CHTF18: variants seen among roughly 807,000 people sequenced by gnomAD.
The protein encoded by CHTF18 is chromosome transmission fidelity factor 18.
Under a neutral mutation model 113.4 loss-of-function variants are expected in CHTF18, and 151 were observed. That is an observed-to-expected ratio of 1.33 (90% CI 1.17 to 1.52). The LOEUF (loss-of-function observed/expected upper bound fraction) is 1.52, where lower values mean the gene tolerates loss of function less well. Among genes scored for constraint, CHTF18 ranks in the 40% most tolerant of loss-of-function variants. The probability of loss-of-function intolerance (pLI) is 0.00; values close to 1 mark genes in which losing one functional copy is unlikely to be tolerated. For missense variants in CHTF18, 1,982 were observed against 1,381.6 expected (o/e 1.43, Z -6.89); for synonymous variants, 916 against 598.8 (o/e 1.53, Z -7.74).
At chr16:791,687 C>A in intron 8 of CHTF18, 164 bp from the exon 9 acceptor site, 1 of 1,427,218 alleles carries the variant, frequency 7.0e-7, no homozygotes, top group South Asian at 1.5e-5. Context: ...TTTTCCGTTG[C>A]CATCTTGGTG....
chr16:793,609 T>C (rs2042260630), intron 14 of CHTF18: 1 of 533,608 alleles, frequency 1.9e-6, no homozygotes, highest in South Asian at 2.0e-5. Flanking sequence ...GCCTGGGCTG[T>C]GGTCTCTGAG....
chr16:795,351 C>T lies in CHTF18; in HGVS notation c.2170C>T (p.Gln724Ter). ...CAGGATCACCTTCCCCAGCAGCCAG[C>T]AGGAGGTGTGCTCGTCCCTGCACCA... ...TPRITFPSSQ[Q>*]EAQNRMSQMR... The change falls in exon 16 of 22, where the codon CAG becomes TAG. Residue 724 changes from glutamine (Q) to a stop codon, truncating the protein, a stop_gained. Transcript: ENST00000262315. LOFTEE classifies it high-confidence loss of function. 1.3e-6 allele frequency: 2 copies of T among 1,547,100 alleles called. No individual in the cohort carries two copies. The highest frequency in any genetic ancestry group is 1.7e-6 in the Non-Finnish European group (2 of 1,146,256).
In CHTF18 at chr16:793,201, G is replaced by A. The variant is rs182279166; in HGVS notation, c.1729G>A (p.Val577Met). ...LSVRDVQATR[V>M]GLKDQRRGLF... ...CGTGCGGGACGTGCAGGCCACACGC[G>A]TGGGCCTCAAGGACCAGCGCAGAGG... The change falls in exon 14 of 22, where the codon GTG (valine) becomes ATG (methionine). Residue 577 changes from valine to methionine, a missense_variant. Coordinates refer to ENST00000262315, the MANE Select transcript of CHTF18 (RefSeq NM_022092.3). 2.0e-5 allele frequency: 32 copies of A among 1,609,130 alleles called. No homozygotes were observed. The East Asian group carries it at 2.7e-4, about 13-fold the overall frequency.
In CHTF18 at chr16:797,032, C is replaced by A; in HGVS notation, c.2673C>A (p.Ala891=). 6.4e-7 allele frequency: 1 copy of A among 1,560,816 alleles called. No individual in the cohort carries two copies. The highest frequency in any genetic ancestry group is 1.2e-5 in the South Asian group (1 of 83,204). The part of the protein sequence containing the change: ...GIGEKGVHRP[A]PRNHEQRLEH... ...GGGAGAAAGGGGTGCACCGACCTGC[C>A]CCACGCAACCATGAGCAGCGGCTGG... Residue 891 remains alanine, a synonymous_variant, in exon 20 of 22, where the codon GCC becomes GCA. Transcript: ENST00000262315.
chr16:795,160 G>A lies in CHTF18; in HGVS notation c.1979G>A (p.Arg660Gln), dbSNP rs1005831281. ...QGLFDNFLRL[R>Q]LRDSSLGAVC... ...TTGTTTGACAACTTCCTGCGTCTGC[G>A]GCTGCGAGACTCCAGCCTGGGTGCT... Residue 660 changes from arginine to glutamine, a missense_variant, in exon 16 of 22, where the codon CGG becomes CAG. Transcript: ENST00000262315. 4.5e-6 allele frequency: 7 copies of A among 1,554,334 alleles called. No individual in the cohort carries two copies. The highest frequency in any genetic ancestry group is 5.2e-6 in the Non-Finnish European group (6 of 1,149,400).
chr16:792,891 C>T (rs2042238668), intron 12 of CHTF18, 75 bp from the exon 13 acceptor site: 6 of 1,530,920 alleles, frequency 3.9e-6, no homozygotes, highest in Admixed American at 2.0e-5. Context: ...TTCCCTGCCC[C>T]TCCCCATGGA....
rs781574561 is a variant in CHTF18, at chr16:796,704, C to G, written c.2457-13C>G. 1.9e-6 allele frequency: 3 copies of G among 1,592,458 alleles called. No homozygotes were observed. The highest frequency in any genetic ancestry group is 3.4e-5 in the Admixed American group (2 of 59,100). ...CCCGCTGACCTGCCCTGGTGTCCCC[C>G]TGTGCTGAGCAGGAACGTGGAGGAA... On this transcript the variant is annotated splice_polypyrimidine_tract_variant and intron_variant, in intron 18 of 21. Coordinates refer to ENST00000262315, the MANE Select transcript of CHTF18 (RefSeq NM_022092.3).
intron 14 of CHTF18, 123 bp from the exon 15 acceptor site, chr16:793,931 G>T (rs760353386): frequency 1.8e-6 from 2 of 1,110,440 alleles, no homozygotes; most frequent in East Asian, 2.5e-5. Context: ...GGCAGCAAGG[G>T]CCCTGCTGAG....
intron 18 of CHTF18, 135 bp from the exon 19 acceptor site, chr16:796,582 G>A: frequency 1.9e-6 from 2 of 1,069,392 alleles, no homozygotes; most frequent in Non-Finnish European, 2.6e-6. Context: ...TTGGGGTGCG[G>A]TGGCACCAGG....
chr16:789,104 C>A lies in CHTF18; in HGVS notation c.265C>A (p.Pro89Thr), dbSNP rs1310968002. 5.2e-6 allele frequency: 8 copies of A among 1,530,438 alleles called. No homozygotes were observed. The highest frequency in any genetic ancestry group is 2.0e-4 in the Middle Eastern group (1 of 5,018). 94.8% of individuals were successfully genotyped at this position (1,530,438 alleles called of 1,614,324 possible). A position where few individuals can be genotyped will look rare whatever the true frequency, so the allele number is the denominator to read the frequency against. ...RKRQVDADLQPAGSLPHAPRI... is the reference protein window; with the variant it reads ...RKRQVDADLQTAGSLPHAPRI... Reference sequence around the variant, plus strand: ...GAGGCAGGTGGACGCCGACCTGCAGCCGGCCGGGTCCCTGCCCCACGGTAG... The same window carrying A: ...GAGGCAGGTGGACGCCGACCTGCAGACGGCCGGGTCCCTGCCCCACGGTAG... Residue 89 changes from proline to threonine, a missense_variant, in exon 2 of 22, where the codon CCG (proline) becomes ACG (threonine). Coordinates refer to ENST00000262315, the MANE Select transcript of CHTF18 (RefSeq NM_022092.3).
chr16:792,628 C>T, intron 11 of CHTF18, 38 bp downstream of exon 11: 3 of 1,591,960 alleles, frequency 1.9e-6, no homozygotes, highest in Non-Finnish European at 1.7e-6. Flanking sequence ...AGGAGAGGCT[C>T]TGGTGCCTGG....
At position 796,955 on chromosome 16, in the gene CHTF18, C is replaced by T; in HGVS notation, c.2602-6C>T. 6.5e-7 allele frequency: 1 copy of T among 1,527,962 alleles called. No homozygotes were observed. The highest frequency in any genetic ancestry group is 8.8e-7 in the Non-Finnish European group (1 of 1,134,664). 94.7% of individuals were successfully genotyped at this position (1,527,962 alleles called of 1,614,324 possible). A position where few individuals can be genotyped will look rare whatever the true frequency, so the allele number is the denominator to read the frequency against. ...GGCCAGATCTCACAATGCCTGCTCC[C>T]TACAGGTGGATGGGAGCCCCCCAGG... On this transcript the variant is annotated splice_polypyrimidine_tract_variant and splice_region_variant and intron_variant, in intron 19 of 21. Transcript: ENST00000262315.
rs754328015 is a variant in CHTF18, at chr16:792,710, C to T, written c.1479-8C>T. 2.3e-5 allele frequency: 36 copies of T among 1,568,444 alleles called. No homozygotes were observed. The highest frequency in any genetic ancestry group is 5.5e-5 in the Admixed American group (3 of 54,298). The stretch of plus-strand genomic sequence containing the variant: ...CCTGGGGTCCCTGGCCCTGCCGCCT[C>T]TCCTCAGGTTCGCACCGTCCCTGCG... On this transcript the variant is annotated splice_region_variant and splice_polypyrimidine_tract_variant and intron_variant, in intron 11 of 21. Coordinates refer to ENST00000262315, the MANE Select transcript of CHTF18 (RefSeq NM_022092.3).
chr16:792,870 C>G, intron 12 of CHTF18, 59 bp downstream of exon 12: 1 of 1,529,386 alleles, frequency 6.5e-7, no homozygotes, highest in Non-Finnish European at 8.8e-7. Context: ...TGGCCTCGTT[C>G]TGGCCCCTGT....
rs754092491 is a variant in CHTF18, at chr16:792,431, C to A, written c.1327-8C>A. 2.6e-6 allele frequency: 4 copies of A among 1,559,708 alleles called. No homozygotes were observed. The highest frequency in any genetic ancestry group is 3.5e-6 in the Non-Finnish European group (4 of 1,152,412). ...CTGGACTCACCGTGTCCTCTGACCT[C>A]CCCCAAGGCCGCCATCAACGTCCTC... On this transcript the variant is annotated splice_region_variant and splice_polypyrimidine_tract_variant and intron_variant, in intron 10 of 21. Coordinates refer to ENST00000262315, the MANE Select transcript of CHTF18 (RefSeq NM_022092.3).
chr16:793,331 C>T (rs1567400574), intron 14 of CHTF18, 57 bp downstream of exon 14: 2 of 1,581,968 alleles, frequency 1.3e-6, no homozygotes, highest in African/African-American at 1.3e-5. Flanking sequence ...CCTCAGGACG[C>T]TAGCCCTGTG....
At chr16:794,497 G>A (rs188537331) in intron 15 of CHTF18, among the ~76,000 whole-genome samples, 240 of 152,204 alleles carry the variant, frequency 1.6e-3, no homozygotes, top group African/African-American at 5.2e-3. Context: ...AGCCCCTGCC[G>A]GACAGCCTGG....
In CHTF18 at chr16:796,865, A is replaced by G. The variant is rs1192748814; in HGVS notation, c.2601+4A>G. On this transcript the variant is annotated splice_donor_region_variant and intron_variant, in intron 19 of 21. Transcript: ENST00000262315. ...CCGGGTAGAGAACAGCCCCCAGGTG[A>G]GCCCACCCAGGCTCTGGAGCAGGTT... 6.3e-7 allele frequency: 1 copy of G among 1,590,194 alleles called. No homozygotes were observed. The highest frequency in any genetic ancestry group is 2.3e-5 in the East Asian group (1 of 44,222).
rs993103314 is a variant in CHTF18, at chr16:792,328, A to T, written c.1307A>T (p.Glu436Val). 5 of 1,553,056 alleles carry T rather than the reference A, an allele frequency of 3.2e-6. No homozygotes were observed. Among genetic ancestry groups the T allele is most frequent in the Non-Finnish European group, 4.4e-6 (5 of 1,148,706 alleles). The change falls in exon 10 of 22, where the codon GAG becomes GTG. Residue 436 changes from glutamate (E) to valine (V), a missense_variant. Coordinates refer to ENST00000262315, the MANE Select transcript of CHTF18 (RefSeq NM_022092.3). ...GGKPNCLVID[E>V]IDGAPVAAIN... ...AAGCCCAACTGCCTGGTCATCGATG[A>T]GATCGACGGGGCCCCCGTGGTGGGC...
Sources: gnomAD v4.1 joint callset for allele counts (sites outside exome capture counted in the v4.1 genomes callset) on GRCh38, gnomAD v4.1.1 for gene constraint, MANE v1.5 for transcripts, NCBI Gene and HGNC (gene_info 2026-07-23, HGNC 2026-07-21) for gene names.